The following AKT3 variants were observed in gnomAD, a reference collection of about 807,000 sequenced individuals.
AKT3 encodes the protein AKT serine/threonine kinase 3.
Under a neutral mutation model 65.3 loss-of-function variants are expected in AKT3, and 15 were observed. That is an observed-to-expected ratio of 0.23 (90% CI 0.15 to 0.35). The LOEUF (loss-of-function observed/expected upper bound fraction) is 0.35, where lower values mean the gene tolerates loss of function less well. Among genes scored for constraint, AKT3 ranks in the 10% least tolerant of loss-of-function variants. The pLI is 1.00. For missense variants in AKT3, 243 were observed against 576.5 expected (o/e 0.42, Z 5.92); for synonymous variants, 206 against 183.8 (o/e 1.12, Z -0.98).
At chr1:243,837,013 A>G (rs1386493725) in intron 2 of AKT3, among the ~76,000 whole-genome samples, 1 of 152,034 alleles carries the variant, frequency 6.6e-6, no homozygotes, top group African/African-American at 2.4e-5. Context: ...TCAGGATTTA[A>G]TAAGGAGATA....
At chr1:243,664,058 C>G (rs1682587147) in intron 4 of AKT3, among the ~76,000 whole-genome samples, 1 of 151,998 alleles carries the variant, frequency 6.6e-6, no homozygotes, top group Admixed American at 6.6e-5. Flanking sequence ...CTCCAGACAG[C>G]CACTTACAAC....
chr1:243,803,721 G>A (rs1385190289), intron 2 of AKT3, among the ~76,000 whole-genome samples: 1 of 149,594 alleles, frequency 6.7e-6, no homozygotes, highest in African/African-American at 2.5e-5. Context: ...TGCCAAAAAT[G>A]TTAAAAGCCA....
At chr1:243,642,518 C>A (rs566515082) in intron 5 of AKT3, among the ~76,000 whole-genome samples, 61 of 152,040 alleles carry the variant, frequency 4.0e-4, no homozygotes, top group Admixed American at 1.4e-3. Flanking sequence ...ACCGTGTTAG[C>A]CAGGATGGTC....
At position 243,696,607 on chromosome 1, in the gene AKT3, G is replaced by A. The variant is rs320305; in HGVS notation, c.47-891C>T. Among the ~76,000 whole-genome samples, 5 of 151,672 alleles carry A rather than the reference G, an allele frequency of 3.3e-5. No individual in the cohort carries two copies. The East Asian group carries it at 9.7e-4, about 29-fold the overall frequency. Reference sequence around the variant, plus strand: ...AAATCTCAAATGCTTAGGCAAAGAAGTACAAAAAAATTGCAAACAGTTCAA... The same window carrying A: ...AAATCTCAAATGCTTAGGCAAAGAAATACAAAAAAATTGCAAACAGTTCAA... On this transcript the variant is annotated intron_variant, in intron 2 of 13. Transcript: ENST00000673466.
At chr1:243,543,423 C>T (rs1028813925) in intron 12 of AKT3, among the ~76,000 whole-genome samples, 1 of 149,818 alleles carries the variant, frequency 6.7e-6, no homozygotes, top group South Asian at 2.2e-4. Context: ...GGTACCTCAA[C>T]CATTGTCTCT....
chr1:243,663,870 T>C (rs1682572315), intron 4 of AKT3, among the ~76,000 whole-genome samples: 1 of 152,150 alleles, frequency 6.6e-6, no homozygotes, highest in South Asian at 2.1e-4. Context: ...AGATATAGAA[T>C]TGGGAAGTGG....
At chr1:243,731,743 T>G (rs570144742) in intron 2 of AKT3, among the ~76,000 whole-genome samples, 127 of 152,332 alleles carry the variant, frequency 8.3e-4, no homozygotes, top group Non-Finnish European at 1.3e-3. Flanking sequence ...AAGCTCTGGG[T>G]TGGAATTCCA....
chr1:243,823,476 A>C (rs1483654211), intron 2 of AKT3, among the ~76,000 whole-genome samples: 7 of 152,224 alleles, frequency 4.6e-5, no homozygotes, highest in Non-Finnish European at 1.0e-4. Context: ...AGAGGAAGTC[A>C]AACTGTCTTG....
intron 2 of AKT3, among the ~76,000 whole-genome samples, chr1:243,807,112 C>T (rs1414904983): frequency 1.3e-5 from 2 of 152,166 alleles, no homozygotes; most frequent in African/African-American, 2.4e-5. Flanking sequence ...GTGAGCGACA[C>T]AGAAGACGGG....
At chr1:243,826,846 A>G (rs1052555282) in intron 2 of AKT3, among the ~76,000 whole-genome samples, 1 of 152,238 alleles carries the variant, frequency 6.6e-6, no homozygotes, top group Non-Finnish European at 1.5e-5. Flanking sequence ...CAATTCCTTT[A>G]ATTTAAAAAA....
intron 3 of AKT3, among the ~76,000 whole-genome samples, chr1:243,683,502 T>C: frequency 6.6e-6 from 1 of 152,162 alleles, no homozygotes; most frequent in East Asian, 1.9e-4. Flanking sequence ...AAATGGTTGT[T>C]ATTTGAGATG....
intron 8 of AKT3, among the ~76,000 whole-genome samples, chr1:243,611,625 A>C (rs1677876468): frequency 6.6e-6 from 1 of 152,024 alleles, no homozygotes; most frequent in South Asian, 2.1e-4. Flanking sequence ...TGGAAGTTGC[A>C]GTGAGCAGAG....
chr1:243,850,585 G>A (rs1314272567), upstream of AKT3, among the ~76,000 whole-genome samples: 1 of 149,362 alleles, frequency 6.7e-6, no homozygotes, highest in East Asian at 2.1e-4. Context: ...GGCCGCCGCC[G>A]ATCGGTTCTC....
chr1:243,581,109 G>C (rs1285503391), intron 8 of AKT3, among the ~76,000 whole-genome samples: 1 of 152,172 alleles, frequency 6.6e-6, no homozygotes, highest in Non-Finnish European at 1.5e-5. Context: ...AGGTTTCCCA[G>C]CTACACTACT....
At chr1:243,779,753 G>A (rs1440867662) in intron 2 of AKT3, among the ~76,000 whole-genome samples, 1 of 152,080 alleles carries the variant, frequency 6.6e-6, no homozygotes, top group East Asian at 1.9e-4. Flanking sequence ...TCCCTAGAGA[G>A]CTGCTTCTAG....
At chr1:243,811,893 A>G (rs997858010) in intron 2 of AKT3, among the ~76,000 whole-genome samples, 1 of 152,192 alleles carries the variant, frequency 6.6e-6, no homozygotes, top group African/African-American at 2.4e-5. Context: ...CTGATCTTTG[A>G]CAAACCTGAC....
chr1:243,600,222 G>T (rs920777184), intron 8 of AKT3, among the ~76,000 whole-genome samples: 3 of 152,056 alleles, frequency 2.0e-5, no homozygotes, highest in African/African-American at 7.2e-5. Flanking sequence ...CTGTGAAACT[G>T]TCAATTCTCC....
chr1:243,666,126 C>A (rs758870534), intron 3 of AKT3, among the ~76,000 whole-genome samples: 1 of 152,098 alleles, frequency 6.6e-6, no homozygotes, highest in African/African-American at 2.4e-5. Context: ...GCCTCAGCCA[C>A]CCAAGTTGCT....
At position 243,789,055 on chromosome 1, in the gene AKT3, A is replaced by T. The variant is rs1425504777; in HGVS notation, c.46+54070T>A. Among the ~76,000 whole-genome samples the T allele has an allele frequency of 2.0e-5, 3 of 152,206 alleles. No homozygotes were observed. The East Asian group carries it at 5.8e-4, about 29-fold the overall frequency. On this transcript the variant is annotated intron_variant, in intron 2 of 13. Transcript: ENST00000673466. ...CTTCTCAAGGAGTAGAATCCATCTC[A>T]AGAAACCACCTACTTTGCTCATCCA...
Sources: gnomAD v4.1 joint callset for allele counts (sites outside exome capture counted in the v4.1 genomes callset) on GRCh38, gnomAD v4.1.1 for gene constraint, MANE v1.5 for transcripts, NCBI Gene and HGNC (gene_info 2026-07-23, HGNC 2026-07-21) for gene names.